CYP3A4: variants seen among roughly 807,000 people sequenced by gnomAD.
CYP3A4 encodes cytochrome P450 3A4.
CYP3A4 carries 41 observed loss-of-function variants against 54.9 expected under a neutral mutation model. The observed-to-expected ratio is 0.75, with a 90% CI of 0.58 to 0.97. The LOEUF (loss-of-function observed/expected upper bound fraction) is 0.97, where lower values mean the gene tolerates loss of function less well. CYP3A4 is among the 50% of genes least tolerant of loss of function. The pLI is 0.00. For missense variants in CYP3A4, 510 were observed against 597.3 expected (o/e 0.85, Z 1.52); for synonymous variants, 179 against 205.2 (o/e 0.87, Z 1.09).
chr7:99,781,432 A>G (rs1458081266), intron 1 of CYP3A4, among the ~76,000 whole-genome samples: 1 of 152,196 alleles, frequency 6.6e-6, no homozygotes, highest in Non-Finnish European at 1.5e-5. Flanking sequence ...CTGCCCATCA[A>G]CTATCTCTGT....
intron 1 of CYP3A4, among the ~76,000 whole-genome samples, chr7:99,783,424 C>T (rs1305933039): frequency 2.6e-5 from 4 of 151,988 alleles, no homozygotes; most frequent in African/African-American, 9.7e-5. Context: ...CTTCCTTATC[C>T]TCCTTGGGTC....
At chr7:99,763,710 T>C in intron 10 of CYP3A4, 145 bp downstream of exon 10, 25 of 1,213,408 alleles carry the variant, frequency 2.1e-5, no homozygotes, top group Non-Finnish European at 2.7e-5. Context: ...TGTTTCTTTC[T>C]TTTTCTTTTC....
chr7:99,757,934 C>T lies in CYP3A4; in HGVS notation c.*199G>A. 1.8e-6 allele frequency: 1 copy of T among 541,822 alleles called. No individual in the cohort carries two copies. Among genetic ancestry groups the T allele is most frequent in the Non-Finnish European group, 3.3e-6 (1 of 302,050 alleles). The allele number at this position is 541,822 out of a possible 1,614,324, so 33.6% of individuals were successfully genotyped here. On this transcript the variant is annotated 3_prime_UTR_variant, in exon 13 of 13. Transcript: ENST00000651514. Reference sequence around the variant, plus strand: ...TACCTCCTCACACTGATTTGGTCACCTCCTTTATATTCCCAAGTATAACAC... The same window carrying T: ...TACCTCCTCACACTGATTTGGTCACTTCCTTTATATTCCCAAGTATAACAC...
chr7:99,769,036 A>G (rs1227433602), intron 6 of CYP3A4, among the ~76,000 whole-genome samples: 2 of 152,136 alleles, frequency 1.3e-5, no homozygotes, highest in Non-Finnish European at 2.9e-5. Flanking sequence ...CACTATCCCC[A>G]GCTGTGGTGA....
At chr7:99,771,314 G>A (rs1040796953) in intron 4 of CYP3A4, among the ~76,000 whole-genome samples, 3 of 152,138 alleles carry the variant, frequency 2.0e-5, no homozygotes, top group African/African-American at 4.8e-5. Flanking sequence ...ACATTTCTAT[G>A]TAACAACAAT....
chr7:99,762,497 C>T (rs1413993212), intron 10 of CYP3A4, among the ~76,000 whole-genome samples: 2 of 151,818 alleles, frequency 1.3e-5, no homozygotes, highest in East Asian at 1.9e-4. Context: ...AAGGCTCTCA[C>T]CCCAGGGACT....
At chr7:99,759,004 A>G (rs1815250663) in intron 12 of CYP3A4, among the ~76,000 whole-genome samples, 1 of 152,196 alleles carries the variant, frequency 6.6e-6, no homozygotes, top group Admixed American at 6.6e-5. Context: ...GAAAATTGCC[A>G]GGGAGATCAA....
chr7:99,761,428 C>T (rs918558133), intron 11 of CYP3A4, among the ~76,000 whole-genome samples: 1 of 152,104 alleles, frequency 6.6e-6, no homozygotes, highest in African/African-American at 2.4e-5. Context: ...CTCATCTCCT[C>T]TCTTGTTTTT....
chr7:99,763,034 T>G (rs1216213849), intron 10 of CYP3A4, among the ~76,000 whole-genome samples: 1 of 152,222 alleles, frequency 6.6e-6, no homozygotes, highest in Non-Finnish European at 1.5e-5. Flanking sequence ...GTTTTAAGAC[T>G]TTAGCTCAGG....
intron 12 of CYP3A4, among the ~76,000 whole-genome samples, chr7:99,759,449 T>C (rs572955730): frequency 6.6e-5 from 10 of 151,670 alleles, no homozygotes; most frequent in African/African-American, 2.4e-4. Context: ...CACATGCATA[T>C]GCACGAATGG....
intron 3 of CYP3A4, among the ~76,000 whole-genome samples, chr7:99,776,519 A>G (rs184335390): frequency 1.6e-3 from 243 of 152,352 alleles, no homozygotes; most frequent in African/African-American, 5.5e-3. Context: ...CCATAAAAAA[A>G]CAATGAGTTC....
chr7:99,765,829 C>T (rs1815464543), intron 9 of CYP3A4, among the ~76,000 whole-genome samples: 1 of 152,088 alleles, frequency 6.6e-6, no homozygotes, highest in Non-Finnish European at 1.5e-5. Context: ...TAATCCATTC[C>T]AAAGTGGAAA....
intron 3 of CYP3A4, among the ~76,000 whole-genome samples, chr7:99,775,921 G>C (rs1419160557): frequency 1.3e-5 from 2 of 152,112 alleles, no homozygotes; most frequent in Non-Finnish European, 2.9e-5. Context: ...CAGAATGGGA[G>C]AAAATTTTTG....
In CYP3A4 at chr7:99,772,582, A is replaced by T. The variant is rs1322465944; in HGVS notation, c.318+8T>A. ...TCAGTATTTTAATTTCAACACATGAATGCTTACCCTCCGGTTTGTGAAGAC... is the reference window on the plus strand; with the variant it reads ...TCAGTATTTTAATTTCAACACATGATTGCTTACCCTCCGGTTTGTGAAGAC... On this transcript the variant is annotated splice_region_variant and intron_variant, in intron 4 of 12. Transcript: ENST00000651514. The T allele has an allele frequency of 6.2e-7, 1 of 1,611,962 alleles. No homozygotes were observed. The highest frequency in any genetic ancestry group is 2.2e-5 in the East Asian group (1 of 44,864).
Position 99,770,119 on chromosome 7 carries a change from T to C in CYP3A4, c.432+3A>G. The C allele has an allele frequency of 6.2e-7, 1 of 1,606,506 alleles. No individual in the cohort carries two copies. The highest frequency in any genetic ancestry group is 8.5e-7 in the Non-Finnish European group (1 of 1,173,228). ...CTTATTAAAACTCATGTTATTTTCA[T>C]ACCTCCTTGAGTTTTCCACTGGTGA... On this transcript the variant is annotated splice_donor_region_variant and intron_variant, in intron 5 of 12. Coordinates refer to ENST00000651514, the MANE Select transcript of CYP3A4 (RefSeq NM_017460.6).
intron 11 of CYP3A4, 107 bp from the exon 12 acceptor site, chr7:99,761,088 G>A: frequency 1.6e-6 from 2 of 1,277,250 alleles, no homozygotes; most frequent in East Asian, 2.3e-5. Context: ...GTAGTACACA[G>A]GATACTTTTG....
At chr7:99,780,118 A>G in intron 1 of CYP3A4, 33 bp from the exon 2 acceptor site, 2 of 1,588,392 alleles carry the variant, frequency 1.3e-6, no homozygotes, top group Non-Finnish European at 1.7e-6. Context: ...AGTCACAGCG[A>G]TTGTGACTTT....
At chr7:99,783,237 A>G (rs1409662399) in intron 1 of CYP3A4, among the ~76,000 whole-genome samples, 3 of 152,182 alleles carry the variant, frequency 2.0e-5, no homozygotes, top group Admixed American at 2.0e-4. Context: ...TCCACTACCC[A>G]CAGTGGGGAG....
intron 4 of CYP3A4, among the ~76,000 whole-genome samples, chr7:99,771,780 G>A (rs192783263): frequency 1.1e-3 from 172 of 152,258 alleles, no homozygotes; most frequent in Non-Finnish European, 1.6e-3. Flanking sequence ...GTGATCAATG[G>A]GACACAGTAG....
Sources: gnomAD v4.1 joint callset for allele counts (sites outside exome capture counted in the v4.1 genomes callset) on GRCh38, gnomAD v4.1.1 for gene constraint, MANE v1.5 for transcripts, NCBI Gene and HGNC (gene_info 2026-07-23, HGNC 2026-07-21) for gene names.